CLASP2: variants seen among roughly 807,000 people sequenced by gnomAD.
CLASP2 encodes the protein cytoplasmic linker associated protein 2, also known as CLIP-associating protein 2.
CLASP2 carries 47 observed loss-of-function variants against 194.4 expected under a neutral mutation model. The observed-to-expected ratio is 0.24, with a 90% CI of 0.19 to 0.31. The LOEUF (loss-of-function observed/expected upper bound fraction) is 0.31, where lower values mean the gene tolerates loss of function less well. CLASP2 is among the 10% of genes least tolerant of loss of function. The pLI is 1.00. For synonymous variants in CLASP2, 619 were observed against 633.5 expected (o/e 0.98, Z 0.34); for missense variants, 1,445 against 1,823.6 (o/e 0.79, Z 3.78).
At chr3:33,565,446 G>A (rs1286017821) in intron 27 of CLASP2, among the ~76,000 whole-genome samples, 1 of 152,024 alleles carries the variant, frequency 6.6e-6, no homozygotes, top group African/African-American at 2.4e-5. Flanking sequence ...CTCCCAAAGT[G>A]CTGAGATTAC....
In CLASP2 at chr3:33,689,810, T is replaced by A; in HGVS notation, c.378+19A>T. Reference sequence around the variant, plus strand: ...GTGATTACCATTAGCAAAATCTGAATTTTAAAATGTAGGCTTACCATAGGT... The same window carrying A: ...GTGATTACCATTAGCAAAATCTGAAATTTAAAATGTAGGCTTACCATAGGT... On this transcript the variant is annotated intron_variant, in intron 3 of 38. Coordinates refer to ENST00000682230, the MANE Select transcript of CLASP2 (RefSeq NM_001365631.1). The A allele has an allele frequency of 6.6e-7, 1 of 1,513,350 alleles. No individual in the cohort carries two copies. Among genetic ancestry groups the A allele is most frequent in the Non-Finnish European group, 8.8e-7 (1 of 1,130,410 alleles). 93.7% of individuals were successfully genotyped at this position (1,513,350 alleles called of 1,614,324 possible).
chr3:33,564,628 T>C (rs189811814), intron 27 of CLASP2, among the ~76,000 whole-genome samples: 1 of 152,304 alleles, frequency 6.6e-6, no homozygotes, highest in East Asian at 1.9e-4. Flanking sequence ...TCTCACTCTG[T>C]CACCCAGTCT....
chr3:33,556,549 C>T (rs1483229919), intron 29 of CLASP2, among the ~76,000 whole-genome samples: 2 of 151,850 alleles, frequency 1.3e-5, no homozygotes, highest in East Asian at 3.9e-4. Flanking sequence ...GATTCTCCTG[C>T]CTCAGCCTCC....
chr3:33,543,686 C>A, intron 31 of CLASP2, 147 bp from the exon 32 acceptor site: 1 of 563,136 alleles, frequency 1.8e-6, no homozygotes, highest in Non-Finnish European at 3.2e-6. Flanking sequence ...GTACTTACGT[C>A]TGGTTTCCAG....
At chr3:33,662,814 T>C (rs894876425) in intron 7 of CLASP2, among the ~76,000 whole-genome samples, 1 of 152,146 alleles carries the variant, frequency 6.6e-6, no homozygotes, top group Non-Finnish European at 1.5e-5. Context: ...ATTTAAAGTC[T>C]CAAGTGTAGG....
chr3:33,698,834 T>C (rs1369752144), intron 1 of CLASP2, among the ~76,000 whole-genome samples: 1 of 152,042 alleles, frequency 6.6e-6, no homozygotes, highest in South Asian at 2.1e-4. Context: ...CCACACATTA[T>C]GAGACACACA....
intron 7 of CLASP2, among the ~76,000 whole-genome samples, chr3:33,654,500 C>T (rs2083805074): frequency 6.6e-6 from 1 of 151,888 alleles, no homozygotes; most frequent in Admixed American, 6.6e-5. Context: ...AGAGGATCAA[C>T]CCAGGAAGTT....
intron 21 of CLASP2, among the ~76,000 whole-genome samples, chr3:33,586,022 T>C (rs2067274001): frequency 6.6e-6 from 1 of 152,152 alleles, no homozygotes; most frequent in African/African-American, 2.4e-5. Flanking sequence ...TTTTTTGCTA[T>C]TTGTCTTCAA....
chr3:33,618,584 T>G (rs1577283561), intron 12 of CLASP2, among the ~76,000 whole-genome samples: 1 of 151,932 alleles, frequency 6.6e-6, no homozygotes, highest in African/African-American at 2.4e-5. Context: ...GCGGCAGAGG[T>G]TGCAGTGAGC....
chr3:33,571,560 G>A (rs890031688), intron 25 of CLASP2, among the ~76,000 whole-genome samples: 3 of 151,616 alleles, frequency 2.0e-5, no homozygotes, highest in Non-Finnish European at 2.9e-5. Flanking sequence ...GCTTGAACCC[G>A]GGGGGCAGAG....
At chr3:33,577,337 G>T (rs2065118227) in intron 23 of CLASP2, 23 of 1,250,358 alleles carry the variant, frequency 1.8e-5, no homozygotes, top group Non-Finnish European at 2.6e-5. Flanking sequence ...CTACTGTCAG[G>T]CAAGGAGAGT....
intron 22 of CLASP2, among the ~76,000 whole-genome samples, chr3:33,582,249 C>T (rs962181811): frequency 6.6e-6 from 1 of 152,180 alleles, no homozygotes; most frequent in Non-Finnish European, 1.5e-5. Context: ...AGGCTTCTAA[C>T]ACTTTTGGTA....
intron 21 of CLASP2, among the ~76,000 whole-genome samples, chr3:33,591,530 G>A (rs561211106): frequency 6.6e-6 from 1 of 152,226 alleles, no homozygotes; most frequent in Non-Finnish European, 1.5e-5. Flanking sequence ...AGGATTGCTT[G>A]AGCCCAGGAG....
In CLASP2 at chr3:33,520,804, C is replaced by T. The variant is rs563787491; in HGVS notation, c.3788-3630G>A. Among the ~76,000 whole-genome samples, 3 of 147,324 alleles carry T rather than the reference C, an allele frequency of 2.0e-5. No individual in the cohort carries two copies. The South Asian group carries it at 6.4e-4, about 31-fold the overall frequency. Reference sequence around the variant, plus strand: ...ACATGGTTTTTGATAGATATGGAAACAGAGATGTAAATCTCTACACACACA... The same window carrying T: ...ACATGGTTTTTGATAGATATGGAAATAGAGATGTAAATCTCTACACACACA... On this transcript the variant is annotated intron_variant, in intron 34 of 38. Coordinates refer to ENST00000682230, the MANE Select transcript of CLASP2 (RefSeq NM_001365631.1).
intron 11 of CLASP2, among the ~76,000 whole-genome samples, chr3:33,620,283 CA>C (rs1441538984): frequency 6.6e-6 from 1 of 152,086 alleles, no homozygotes; most frequent in Admixed American, 6.6e-5. Context: ...ACAACTCTAC[CA>C]TATCTTATTG....
At position 33,497,340 on chromosome 3, in the gene CLASP2, T is replaced by C. The variant is rs1201676462; in HGVS notation, c.*1291A>G. Reference sequence around the variant, plus strand: ...TATTAGGATTAAAAAAAAGTAAAGATGAGAAATCATTAGTATCCTGGTTCC... The same window carrying C: ...TATTAGGATTAAAAAAAAGTAAAGACGAGAAATCATTAGTATCCTGGTTCC... On this transcript the variant is annotated 3_prime_UTR_variant, in exon 39 of 39. Transcript: ENST00000682230. The C allele has an allele frequency of 6.6e-6, 1 of 152,570 alleles. No individual in the cohort carries two copies. The highest frequency in any genetic ancestry group is 1.5e-5 in the Non-Finnish European group (1 of 68,018). 9.5% of individuals were successfully genotyped at this position (152,570 alleles called of 1,614,324 possible).
chr3:33,717,443 T>G (rs1454025827), intron 1 of CLASP2, among the ~76,000 whole-genome samples: 2 of 152,096 alleles, frequency 1.3e-5, no homozygotes, highest in Non-Finnish European at 2.9e-5. Flanking sequence ...TTTACTTTTT[T>G]TGAGACAGAG....
intron 27 of CLASP2, 116 bp downstream of exon 27, chr3:33,566,616 G>A: frequency 6.0e-6 from 2 of 335,016 alleles, no homozygotes; most frequent in South Asian, 4.8e-5. Context: ...AGCATTTCGT[G>A]GATTGCAAAG....
chr3:33,504,462 A>T (rs1236570123), intron 37 of CLASP2: 1 of 152,196 alleles, frequency 6.6e-6, no homozygotes, highest in Non-Finnish European at 1.5e-5. Flanking sequence ...ACAAAACAAG[A>T]CAAACTCTCC....
Sources: allele counts gnomAD v4.1 joint callset (sites outside exome capture counted in the v4.1 genomes callset), GRCh38; gene constraint gnomAD v4.1.1; transcripts MANE v1.5; gene names NCBI Gene and HGNC (gene_info 2026-07-23, HGNC 2026-07-21).